The following PRKG1 variants were observed in gnomAD, a reference collection of about 807,000 sequenced individuals.
PRKG1 encodes protein kinase cGMP-dependent 1, also known as cGMP-dependent protein kinase 1.
Under a neutral mutation model 88.1 loss-of-function variants are expected in PRKG1, and 35 were observed. That is an observed-to-expected ratio of 0.40 (90% CI 0.30 to 0.53). PRKG1 has a LOEUF of 0.53. Ranked by LOEUF, PRKG1 falls within the 20% of genes least tolerant of loss-of-function variation. The pLI is 0.59. For synonymous variants in PRKG1, 303 were observed against 292.5 expected, an observed-to-expected ratio of 1.04 and a Z score of -0.37; for missense variants, 540 against 839.8, an observed-to-expected ratio of 0.64 and a Z score of 4.41.
chr10:52,033,932 T>C (rs559245123), intron 5 of PRKG1, among the ~76,000 whole-genome samples: 22 of 149,600 alleles, frequency 1.5e-4, no homozygotes, highest in Admixed American at 3.3e-4. Context: ...CAAAGGGGGG[T>C]TGTTCTCTGG....
At chr10:51,346,649 T>C (rs1165493303) in intron 2 of PRKG1, among the ~76,000 whole-genome samples, 1 of 152,248 alleles carries the variant, frequency 6.6e-6, no homozygotes, top group Non-Finnish European at 1.5e-5. Flanking sequence ...TGCCATTGCC[T>C]ATTATGAATA....
chr10:51,265,517 T>C (rs1199042627), intron 2 of PRKG1, among the ~76,000 whole-genome samples: 1 of 152,120 alleles, frequency 6.6e-6, no homozygotes, highest in Admixed American at 6.5e-5. Context: ...GTAGTTACAT[T>C]TATTTTATTT....
chr10:52,139,904 C>T (rs892471418), intron 8 of PRKG1, among the ~76,000 whole-genome samples: 2 of 152,086 alleles, frequency 1.3e-5, no homozygotes, highest in Non-Finnish European at 2.9e-5. Flanking sequence ...ATTTTAGGCT[C>T]ATGGGACAAA....
In PRKG1 at chr10:51,325,039, C is replaced by T. The variant is rs572362147; in HGVS notation, c.479-142684C>T. 1.3e-3 allele frequency among the ~76,000 whole-genome samples: 202 copies of T among 152,144 alleles called. 2 individuals are homozygous for T. The highest frequency in any genetic ancestry group is 2.4e-3 in the Non-Finnish European group (164 of 68,022). The stretch of plus-strand genomic sequence containing the variant: ...CCCTTTCTTTACATCCTCTCCAGTA[C>T]TTGTTATCCTTTCTCTTTTTATAGC... On this transcript the variant is annotated intron_variant, in intron 2 of 17. Transcript: ENST00000373980.
rs567079074 is a variant in PRKG1, at chr10:52,006,623, G to A, written c.763-47861G>A. 3.1e-3 allele frequency among the ~76,000 whole-genome samples: 469 copies of A among 152,112 alleles called. 2 individuals carry two copies. The highest frequency in any genetic ancestry group is 0.011 in the African/African-American group (449 of 41,472). ...ATGAACAAATCCTCCAAGAAATATG[G>A]GATTACATATAAAGACCAAATCTAT... On this transcript the variant is annotated intron_variant, in intron 5 of 17. Transcript: ENST00000373980.
chr10:51,081,664 A>G (rs10822188), intron 1 of PRKG1, among the ~76,000 whole-genome samples: 25,184 of 152,214 alleles, frequency 0.17, 2,621 homozygotes, highest in Non-Finnish European at 0.23. Context: ...ACTGCTCATC[A>G]TCATCAGATT....
chr10:51,839,674 A>C (rs547239944), intron 4 of PRKG1, among the ~76,000 whole-genome samples: 1 of 152,308 alleles, frequency 6.6e-6, no homozygotes, highest in South Asian at 2.1e-4. Flanking sequence ...GTAGTGGTTT[A>C]CTAACCAATA....
intron 2 of PRKG1, among the ~76,000 whole-genome samples, chr10:51,348,819 A>G (rs931549917): frequency 4.6e-5 from 7 of 152,268 alleles, no homozygotes; most frequent in South Asian, 2.1e-4. Context: ...CTTCAGTGTG[A>G]CTGGTATGTC....
At chr10:52,070,698 T>A (rs998750107) in intron 7 of PRKG1, among the ~76,000 whole-genome samples, 4 of 152,248 alleles carry the variant, frequency 2.6e-5, no homozygotes, top group Admixed American at 2.0e-4. Context: ...TGCTACATTT[T>A]TAATAGAAGC....
chr10:51,733,022 G>GGAGA lies in PRKG1; in HGVS notation c.593-71548_593-71545dup, dbSNP rs376863075. ...TTTGGCTGTGTCCTCAAATGGTAGA[G>GGAGA]GAGAGAGAGAGAGAGAGACAAAAAA... On this transcript the variant is annotated intron_variant, in intron 3 of 17. Coordinates refer to ENST00000373980, the MANE Select transcript of PRKG1 (RefSeq NM_006258.4). Among the ~76,000 whole-genome samples the GGAGA allele has an allele frequency of 2.7e-5, 4 of 150,430 alleles. No homozygotes were observed. In the South Asian group the frequency reaches 6.3e-4, roughly 24 times the overall value.
intron 2 of PRKG1, among the ~76,000 whole-genome samples, chr10:51,436,190 T>TA (rs1838924828): frequency 6.6e-6 from 1 of 151,560 alleles, no homozygotes; most frequent in South Asian, 2.1e-4. Flanking sequence ...TTTTTTTTTT[T>TA]AGCATAGTTC....
intron 1 of PRKG1, among the ~76,000 whole-genome samples, chr10:51,002,491 T>G (rs542720690): frequency 1.3e-5 from 2 of 152,342 alleles, no homozygotes; most frequent in South Asian, 4.1e-4. Context: ...TATGAGATAC[T>G]CTACTCTGAA....
At chr10:51,643,925 C>T (rs1839858592) in intron 3 of PRKG1, among the ~76,000 whole-genome samples, 1 of 152,176 alleles carries the variant, frequency 6.6e-6, no homozygotes, top group South Asian at 2.1e-4. Context: ...AATCCTGCCC[C>T]ATCCACGTCC....
At chr10:52,080,082 C>T (rs35180056) in intron 7 of PRKG1, among the ~76,000 whole-genome samples, 29,173 of 151,996 alleles carry the variant, frequency 0.19, 3,489 homozygotes, top group South Asian at 0.34. Flanking sequence ...AAATCTACTT[C>T]TTTGGCTTTA....
At chr10:51,099,341 G>A (rs189830920) in intron 1 of PRKG1, among the ~76,000 whole-genome samples, 9 of 151,632 alleles carry the variant, frequency 5.9e-5, no homozygotes, top group Admixed American at 4.0e-4. Context: ...ATGGCTGTAG[G>A]TGGTTGTATT....
At chr10:51,119,838 C>T (rs975787903) in intron 1 of PRKG1, among the ~76,000 whole-genome samples, 4 of 151,904 alleles carry the variant, frequency 2.6e-5, no homozygotes, top group Non-Finnish European at 5.9e-5. Context: ...ATTTTTTAGT[C>T]AATGTTCTAG....
Position 51,153,304 on chromosome 10 carries a change from T to A in PRKG1, c.452T>A (p.Val151Glu). Reference protein sequence around the residue: ...KDSCIIKEGDVGSLVYVMEDG... With the variant: ...KDSCIIKEGDEGSLVYVMEDG... Reference sequence around the variant, plus strand: ...AGTTGCATCATCAAAGAAGGAGACGTGGGGTCACTGGTGTATGTCATGGAA... The same window carrying A: ...AGTTGCATCATCAAAGAAGGAGACGAGGGGTCACTGGTGTATGTCATGGAA... Residue 151 changes from valine (V) to glutamate (E), a missense_variant, in exon 2 of 18, where the codon GTG becomes GAG. Val to Glu is a moderately radical substitution (Grantham distance 121). This residue lies in a region of PRKG1 where 400 missense variants were observed against 562.7 expected (regional missense o/e 0.71). Coordinates refer to ENST00000373980, the MANE Select transcript of PRKG1 (RefSeq NM_006258.4). 1.2e-6 allele frequency: 2 copies of A among 1,611,022 alleles called. No individual in the cohort carries two copies. Among genetic ancestry groups the A allele is most frequent in the Non-Finnish European group, 1.7e-6 (2 of 1,178,216 alleles).
chr10:51,970,770 A>G (rs1843694465), intron 5 of PRKG1, among the ~76,000 whole-genome samples: 1 of 146,920 alleles, frequency 6.8e-6, no homozygotes, highest in Non-Finnish European at 1.5e-5. Flanking sequence ...CAGATTATAT[A>G]TATATATCAG....
rs1457176083 is a variant in PRKG1, at chr10:51,392,110, T to TA, written c.479-75612dup. ...AACAGTTAAATAAATTCTTGGGTTC[T>TA]ATGAACAGAATTTTTACATGATGAA... On this transcript the variant is annotated intron_variant, in intron 2 of 17. Transcript: ENST00000373980. Among the ~76,000 whole-genome samples, 8 of 152,282 alleles carry TA rather than the reference T, an allele frequency of 5.3e-5. No individual in the cohort carries two copies. In the East Asian group the frequency reaches 1.5e-3, roughly 29 times the overall value.
Sources: allele counts gnomAD v4.1 joint callset (sites outside exome capture counted in the v4.1 genomes callset), GRCh38; gene constraint gnomAD v4.1.1; regional missense constraint gnomAD v4.1.1; transcripts MANE v1.5; gene names NCBI Gene and HGNC (gene_info 2026-07-23, HGNC 2026-07-21).